CDH8: variants seen among roughly 807,000 people sequenced by gnomAD.
CDH8 encodes the protein cadherin-8.
CDH8 carries 17 observed loss-of-function variants against 68.1 expected under a neutral mutation model. That is an observed-to-expected ratio of 0.25 (90% CI 0.17 to 0.37). The LOEUF is 0.37. Ranked by LOEUF, CDH8 falls within the 10% of genes least tolerant of loss-of-function variation. The probability of loss-of-function intolerance (pLI) is 1.00; values close to 1 mark genes in which losing one functional copy is unlikely to be tolerated. For missense variants in CDH8, 763 were observed against 999.3 expected (o/e 0.76, Z 3.19); for synonymous variants, 372 against 365.1 (o/e 1.02, Z -0.21).
chr16:61,852,910 C>T (rs1962970513), intron 4 of CDH8, among the ~76,000 whole-genome samples: 1 of 148,648 alleles, frequency 6.7e-6, no homozygotes. Context: ...TCCTTCCTTC[C>T]TTCCTTCCTT....
At chr16:62,009,556 C>T (rs898714785) in intron 2 of CDH8, among the ~76,000 whole-genome samples, 1 of 152,160 alleles carries the variant, frequency 6.6e-6, no homozygotes, top group Non-Finnish European at 1.5e-5. Context: ...TCTATGTGTA[C>T]AGGTTTTTAT....
chr16:62,002,937 C>T (rs1308420345), intron 2 of CDH8, among the ~76,000 whole-genome samples: 1 of 152,064 alleles, frequency 6.6e-6, no homozygotes, highest in Non-Finnish European at 1.5e-5. Flanking sequence ...CCTGTAGTCC[C>T]AACTACTCGG....
At chr16:61,758,683 T>A (rs61654716) in intron 8 of CDH8, among the ~76,000 whole-genome samples, 39 of 152,278 alleles carry the variant, frequency 2.6e-4, no homozygotes, top group African/African-American at 9.1e-4. Context: ...TCCGCCCACC[T>A]CGGCTTCCCA....
intron 8 of CDH8, among the ~76,000 whole-genome samples, chr16:61,759,734 T>C (rs1269088246): frequency 6.6e-6 from 1 of 152,098 alleles, no homozygotes; most frequent in Non-Finnish European, 1.5e-5. Flanking sequence ...AATCTCAGAG[T>C]GTTTTTAGTA....
intron 3 of CDH8, among the ~76,000 whole-genome samples, chr16:61,858,068 A>AACAC (rs371499529): frequency 1.3e-5 from 2 of 148,864 alleles, no homozygotes; most frequent in African/African-American, 4.9e-5. Context: ...TAAATAATCA[A>AACAC]ACACACACAC....
intron 8 of CDH8, among the ~76,000 whole-genome samples, chr16:61,765,175 G>A (rs1960557124): frequency 6.6e-6 from 1 of 151,944 alleles, no homozygotes; most frequent in Admixed American, 6.6e-5. Flanking sequence ...TTTAAAAGAG[G>A]TCTTCACTGT....
chr16:62,024,807 A>G (rs112544587), intron 1 of CDH8, among the ~76,000 whole-genome samples: 21 of 152,368 alleles, frequency 1.4e-4, no homozygotes, highest in African/African-American at 5.0e-4. Context: ...AGCACTTCTA[A>G]GTAAAGAGAT....
chr16:61,725,114 A>T (rs1489519788), intron 9 of CDH8: 1 of 151,028 alleles, frequency 6.6e-6, no homozygotes, highest in Non-Finnish European at 1.5e-5. Context: ...AGAGGATAAA[A>T]TGGTGTAGCA....
intron 1 of CDH8, among the ~76,000 whole-genome samples, chr16:62,028,308 C>G (rs1902244216): frequency 6.6e-6 from 1 of 151,734 alleles, no homozygotes; most frequent in East Asian, 1.9e-4. Context: ...ACTCAAGTGA[C>G]CCACCTGCCT....
At chr16:61,783,081 G>C (rs1178032516) in intron 8 of CDH8, among the ~76,000 whole-genome samples, 2 of 148,776 alleles carry the variant, frequency 1.3e-5, no homozygotes, top group African/African-American at 2.5e-5. Context: ...AACAAAGCTG[G>C]ATGGAGAATG....
At chr16:61,957,408 T>C (rs1467233322) in intron 2 of CDH8, among the ~76,000 whole-genome samples, 1 of 152,168 alleles carries the variant, frequency 6.6e-6, no homozygotes, top group Non-Finnish European at 1.5e-5. Flanking sequence ...AAGGAACACA[T>C]TGGAAACGCT....
At chr16:61,654,611 C>T (rs956740802) in intron 11 of CDH8, among the ~76,000 whole-genome samples, 3 of 152,126 alleles carry the variant, frequency 2.0e-5, no homozygotes, top group African/African-American at 7.2e-5. Context: ...GGCAACTTGT[C>T]TTGTGGGAGG....
chr16:62,003,823 C>G (rs375893566), intron 2 of CDH8, among the ~76,000 whole-genome samples: 7 of 152,168 alleles, frequency 4.6e-5, no homozygotes, highest in African/African-American at 1.2e-4. Flanking sequence ...TTTTATTCTA[C>G]TTTTTCTTCT....
At chr16:61,671,942 A>C (rs1340742124) in intron 10 of CDH8, among the ~76,000 whole-genome samples, 2 of 152,122 alleles carry the variant, frequency 1.3e-5, no homozygotes, top group Non-Finnish European at 2.9e-5. Flanking sequence ...AAACTCATTC[A>C]AACTCTTTTT....
chr16:61,736,387 G>A (rs553362671), intron 8 of CDH8, among the ~76,000 whole-genome samples: 11 of 152,236 alleles, frequency 7.2e-5, no homozygotes, highest in African/African-American at 1.7e-4. Flanking sequence ...CTGGCAAGCC[G>A]TTGAACTATT....
At chr16:61,788,639 T>C (rs1233999169) in intron 8 of CDH8, among the ~76,000 whole-genome samples, 4 of 152,104 alleles carry the variant, frequency 2.6e-5, no homozygotes, top group African/African-American at 9.6e-5. Context: ...CATATAGCTA[T>C]TGTTTAGAGA....
At chr16:62,005,216 C>A (rs1361447553) in intron 2 of CDH8, among the ~76,000 whole-genome samples, 9 of 152,196 alleles carry the variant, frequency 5.9e-5, no homozygotes, top group Non-Finnish European at 5.9e-5. Flanking sequence ...ACTTTTCTCA[C>A]CCAAATCCAA....
Position 61,653,228 on chromosome 16 carries a change from G to A in CDH8, c.*380C>T, listed in dbSNP as rs1210781693. The A allele has an allele frequency of 1.3e-5, 16 of 1,192,726 alleles. No individual in the cohort carries two copies. The highest frequency in any genetic ancestry group is 1.6e-5 in the African/African-American group (1 of 63,494). The allele number at this position is 1,192,726 out of a possible 1,614,324, so 73.9% of individuals were successfully genotyped here. A position where few individuals can be genotyped will look rare whatever the true frequency, so the allele number is the denominator to read the frequency against. On this transcript the variant is annotated 3_prime_UTR_variant, in exon 12 of 12. Transcript: ENST00000577390. ...TCCTTGCAGAAGACACATATCAGCA[G>A]CAGATTCCTTGCAGGTCCGTATTTT...
At chr16:62,032,711 G>A (rs963352721) in intron 1 of CDH8, among the ~76,000 whole-genome samples, 16 of 152,166 alleles carry the variant, frequency 1.1e-4, no homozygotes, top group Admixed American at 2.0e-4. Flanking sequence ...GTTTGCGGAT[G>A]GACCAGAAAA....
Sources: allele counts gnomAD v4.1 joint callset (sites outside exome capture counted in the v4.1 genomes callset), GRCh38; gene constraint gnomAD v4.1.1; transcripts MANE v1.5; gene names NCBI Gene and HGNC (gene_info 2026-07-23, HGNC 2026-07-21).